NKAIN1: variants seen among roughly 807,000 people sequenced by gnomAD.
The protein encoded by NKAIN1 is sodium/potassium-transporting ATPase subunit beta-1-interacting protein 1.
Under a neutral mutation model 31.6 loss-of-function variants are expected in NKAIN1, and 13 were observed. The observed-to-expected ratio is 0.41, with a 90% CI of 0.27 to 0.65. The LOEUF is 0.65. Among genes scored for constraint, NKAIN1 ranks in the 30% least tolerant of loss-of-function variants. The pLI is 0.30. For missense variants in NKAIN1, 193 were observed against 262.2 expected (o/e 0.74, Z 1.82); for synonymous variants, 104 against 109.0 (o/e 0.95, Z 0.28).
At chr1:31,191,631 A>T (rs1417070854) in intron 1 of NKAIN1, among the ~76,000 whole-genome samples, 1 of 152,204 alleles carries the variant, frequency 6.6e-6, no homozygotes, top group Admixed American at 6.5e-5. Context: ...GCTAATTAAT[A>T]GAAGGCTTAA....
intron 1 of NKAIN1, among the ~76,000 whole-genome samples, chr1:31,225,414 A>T (rs559908402): frequency 5.7e-4 from 64 of 113,234 alleles, no homozygotes; most frequent in African/African-American, 3.4e-3. Flanking sequence ...GGCTCACTGC[A>T]ACCTCTGCCT....
chr1:31,200,023 ACG>A lies in NKAIN1; in HGVS notation c.55-11838_55-11837del, dbSNP rs1645365309. 9.3e-5 allele frequency among the ~76,000 whole-genome samples: 9 copies of A among 96,888 alleles called. 1 individual carries two copies. The South Asian group carries it at 1.0e-3, about 11-fold the overall frequency. The allele number at this position is 96,888 out of a possible 152,430, so 63.6% of individuals were successfully genotyped here. On this transcript the variant is annotated intron_variant, in intron 1 of 6. Coordinates refer to ENST00000373736, the MANE Select transcript of NKAIN1 (RefSeq NM_024522.3). ...CACACGCACACACATGCACACACACACGCACACACACACACATGCACACGTGC... is the reference window on the plus strand; with the variant it reads ...CACACGCACACACATGCACACACACACACACACACACACATGCACACGTGC...
chr1:31,210,110 A>C (rs1188703764), intron 1 of NKAIN1, among the ~76,000 whole-genome samples: 1 of 151,998 alleles, frequency 6.6e-6, no homozygotes, highest in African/African-American at 2.4e-5. Context: ...CGCCCACCAA[A>C]TTCAGGGTAG....
intron 1 of NKAIN1, among the ~76,000 whole-genome samples, chr1:31,205,864 C>T (rs1050400068): frequency 2.0e-5 from 3 of 149,362 alleles, no homozygotes; most frequent in South Asian, 2.2e-4. Context: ...CTCAGGTGAT[C>T]GGCCTGCCTT....
intron 1 of NKAIN1, among the ~76,000 whole-genome samples, chr1:31,201,385 GTCTC>G (rs1310442566): frequency 7.0e-6 from 1 of 143,004 alleles, no homozygotes; most frequent in South Asian, 2.2e-4. Flanking sequence ...TTGAGACGGA[GTCTC>G]TCTCTGTCGC....
rs150118388 is a variant in NKAIN1 at position 31,218,406 on chromosome 1, G to A, written c.54+21088C>T. Among the ~76,000 whole-genome samples, 195 of 152,244 alleles carry A rather than the reference G, an allele frequency of 1.3e-3. 2 individuals carry two copies. Among genetic ancestry groups the A allele is most frequent in the Admixed American group, 8.7e-3 (133 of 15,280 alleles). On this transcript the variant is annotated intron_variant, in intron 1 of 6. Coordinates refer to ENST00000373736, the MANE Select transcript of NKAIN1 (RefSeq NM_024522.3). Reference sequence around the variant, plus strand: ...CCTTAACTAAGTGCCAGGTGCTGCTGTGCTGAGTGCATTTCATGGATTCTC... The same window carrying A: ...CCTTAACTAAGTGCCAGGTGCTGCTATGCTGAGTGCATTTCATGGATTCTC...
chr1:31,203,467 G>A (rs1039915258), intron 1 of NKAIN1, among the ~76,000 whole-genome samples: 1 of 152,034 alleles, frequency 6.6e-6, no homozygotes, highest in Non-Finnish European at 1.5e-5. Flanking sequence ...CTGTTTTCAC[G>A]CATAACAACA....
intron 1 of NKAIN1, among the ~76,000 whole-genome samples, chr1:31,209,056 C>T (rs1645446587): frequency 6.6e-6 from 1 of 152,190 alleles, no homozygotes; most frequent in African/African-American, 2.4e-5. Context: ...GGAAGACCAT[C>T]CCACTGGGCC....
At chr1:31,219,716 GGTGCCTAGACTCCAGGA>G (rs1645547522) in intron 1 of NKAIN1, among the ~76,000 whole-genome samples, 1 of 152,226 alleles carries the variant, frequency 6.6e-6, no homozygotes, top group Admixed American at 6.5e-5. Context: ...AGGCCACACA[GGTGCCTAGACTCCAGGA>G]GTAGCCCAAG....
intron 1 of NKAIN1, among the ~76,000 whole-genome samples, chr1:31,204,610 G>A (rs1645409463): frequency 6.6e-6 from 1 of 152,152 alleles, no homozygotes; most frequent in Non-Finnish European, 1.5e-5. Context: ...GGAAGGGCAA[G>A]CTCAGCAAAA....
At chr1:31,221,921 C>T (rs1456247509) in intron 1 of NKAIN1, among the ~76,000 whole-genome samples, 1 of 151,908 alleles carries the variant, frequency 6.6e-6, no homozygotes, top group Non-Finnish European at 1.5e-5. Flanking sequence ...CTCTGTCACC[C>T]AGGCTGGAGT....
chr1:31,191,890 C>A (rs1645288359), intron 1 of NKAIN1, among the ~76,000 whole-genome samples: 1 of 152,218 alleles, frequency 6.6e-6, no homozygotes, highest in African/African-American at 2.4e-5. Flanking sequence ...CATCCTCCTG[C>A]CTCACCTCCT....
At chr1:31,185,137 G>T in intron 3 of NKAIN1, 110 bp downstream of exon 3, 1 of 821,840 alleles carries the variant, frequency 1.2e-6, no homozygotes, top group Non-Finnish European at 2.0e-6. Flanking sequence ...TGTAAGGAGA[G>T]AGAGACTTCT....
intron 1 of NKAIN1, among the ~76,000 whole-genome samples, chr1:31,191,886 C>T (rs1469640377): frequency 6.6e-6 from 1 of 152,218 alleles, no homozygotes; most frequent in Non-Finnish European, 1.5e-5. Flanking sequence ...AAGGCATCCT[C>T]CTGCCTCACC....
intron 4 of NKAIN1, among the ~76,000 whole-genome samples, chr1:31,183,432 CCCT>C (rs367782035): frequency 4.1e-5 from 5 of 121,500 alleles, no homozygotes; most frequent in African/African-American, 1.8e-4. Context: ...TAGGTTCATT[CCCT>C]CTTTTTTTTT....
chr1:31,195,121 CTCCTTTTTTTT>C (rs1180609450), intron 1 of NKAIN1, among the ~76,000 whole-genome samples: 1 of 141,958 alleles, frequency 7.0e-6, no homozygotes, highest in African/African-American at 2.6e-5. Context: ...ATATTCCTTC[CTCCTTTTTTTT>C]TTTTTTTTTG....
chr1:31,218,075 T>TCTCTCTC (rs1557660009), intron 1 of NKAIN1, among the ~76,000 whole-genome samples: 1 of 148,234 alleles, frequency 6.7e-6, no homozygotes, highest in African/African-American at 2.6e-5. Context: ...TTTCTTTTTT[T>TCTCTCTC]TTTTTGAGAT....
intron 1 of NKAIN1, among the ~76,000 whole-genome samples, chr1:31,205,607 G>A (rs572978649): frequency 5.7e-5 from 8 of 140,908 alleles, no homozygotes; most frequent in East Asian, 2.1e-4. Context: ...ACGCCCAGCC[G>A]GACAAGTTTT....
At chr1:31,235,451 G>GC (rs1275894963) in intron 1 of NKAIN1, among the ~76,000 whole-genome samples, 2 of 152,142 alleles carry the variant, frequency 1.3e-5, no homozygotes, top group Non-Finnish European at 2.9e-5. Flanking sequence ...GTGGTGACAT[G>GC]CACCTGTTGT....
Sources: gnomAD v4.1 joint callset for allele counts (sites outside exome capture counted in the v4.1 genomes callset) on GRCh38, gnomAD v4.1.1 for gene constraint, MANE v1.5 for transcripts, NCBI Gene and HGNC (gene_info 2026-07-23, HGNC 2026-07-21) for gene names.